Variants in TRIM64C observed in about 807,000 individuals in gnomAD.
TRIM64C encodes tripartite motif-containing protein 64C.
In TRIM64C, 25 loss-of-function variants were observed where a neutral mutation model predicts 36.1. The observed-to-expected ratio is 0.69, with a 90% CI of 0.51 to 0.97. The LOEUF (loss-of-function observed/expected upper bound fraction) is 0.97. Among genes scored for constraint, TRIM64C ranks in the 50% least tolerant of loss-of-function variants. The pLI, the probability that TRIM64C is intolerant of heterozygous loss-of-function variation, is 0.00. For synonymous variants in TRIM64C, 212 were observed against 185.7 expected (o/e 1.14, Z -1.15); for missense variants, 489 against 536.8 (o/e 0.91, Z 0.88).
chr11:49,055,331 C>T lies in TRIM64C; in HGVS notation c.838G>A (p.Asp280Asn), dbSNP rs1215790896. 2.9e-5 allele frequency: 45 copies of T among 1,535,738 alleles called. No individual in the cohort carries two copies. The highest frequency in any genetic ancestry group is 3.3e-4 in the Middle Eastern group (2 of 5,994). ...LTSWCITGVLDMLNNFRVDNA... is the reference protein window; with the variant it reads ...LTSWCITGVLNMLNNFRVDNA... The stretch of plus-strand genomic sequence containing the variant: ...TTGCCTCTGAAGTTGTTGAGCATGT[C>T]TAGGACTCCAGTTATGCACCATGAA... The change falls in exon 5 of 6, where the codon GAC becomes AAC. Residue 280 changes from aspartate to asparagine, a missense_variant. Asp to Asn is a conservative substitution (Grantham distance 23). Coordinates refer to ENST00000617704, the MANE Select transcript of TRIM64C (RefSeq NM_001206631.1).
At chr11:49,056,769 G>A (rs546572426) in intron 3 of TRIM64C, among the ~76,000 whole-genome samples, 2 of 151,978 alleles carry the variant, frequency 1.3e-5, no homozygotes, top group South Asian at 4.1e-4. Context: ...GCCCAGGCAA[G>A]GGGAAACCCC....
chr11:49,058,846 G>C lies in TRIM64C; in HGVS notation c.267C>G (p.Asp89Glu). The change falls in exon 1 of 6, where the codon GAC becomes GAG. Residue 89 changes from aspartate to glutamate, a missense_variant. Transcript: ENST00000617704. ...TCTCCTCATGGAGCACACAGATATT[G>C]TCTGAGCTGTTGATGTTCTGAGGTC... The part of the protein sequence containing the change: ...QTRPQNINSS[D>E]NICVLHEETK... 6.5e-7 allele frequency: 1 copy of C among 1,549,482 alleles called. No homozygotes were observed. The highest frequency in any genetic ancestry group is 8.7e-7 in the Non-Finnish European group (1 of 1,146,894).
rs1293718193 is a variant in TRIM64C at position 49,054,008 on chromosome 11, C to A, written c.1059G>T (p.Trp353Cys). The A allele has an allele frequency of 1.3e-6, 2 of 1,551,450 alleles. No homozygotes were observed. The highest frequency in any genetic ancestry group is 1.7e-6 in the Non-Finnish European group (2 of 1,146,846). The change falls in exon 6 of 6, where the codon TGG (tryptophan) becomes TGT (cysteine). Residue 353 changes from tryptophan (W) to cysteine (C), a missense_variant. Physicochemically the swap from Trp to Cys is radical, Grantham distance 215. Coordinates refer to ENST00000617704, the MANE Select transcript of TRIM64C (RefSeq NM_001206631.1). ...WEVDVTHSSN[W>C]ILGVCRDSRT... ...TAGAATCTCGACAGACTCCCAGAAT[C>A]CAGTTGGAGGAGTGGGTCACATCCA... is the stretch of plus-strand genomic sequence containing the variant.
In TRIM64C at chr11:49,054,008, C is replaced by T; in HGVS notation, c.1059G>A (p.Trp353Ter). The T allele has an allele frequency of 6.4e-7, 1 of 1,551,568 alleles. No homozygotes were observed. The highest frequency in any genetic ancestry group is 8.7e-7 in the Non-Finnish European group (1 of 1,146,838). ...WEVDVTHSSN[W>*]ILGVCRDSRT... ...TAGAATCTCGACAGACTCCCAGAAT[C>T]CAGTTGGAGGAGTGGGTCACATCCA... Residue 353 changes from tryptophan to a stop codon, truncating the protein, a stop_gained, in exon 6 of 6, where the codon TGG becomes TGA. Coordinates refer to ENST00000617704, the MANE Select transcript of TRIM64C (RefSeq NM_001206631.1). LOFTEE classifies it low-confidence loss of function (END_TRUNC).
chr11:49,055,463 T>C, intron 4 of TRIM64C, 56 bp from the exon 5 acceptor site: 2 of 1,521,858 alleles, frequency 1.3e-6, no homozygotes, highest in South Asian at 1.2e-5. Context: ...AATCACACAG[T>C]CATATGAAGA....
At chr11:49,057,041 G>T in intron 3 of TRIM64C, 107 bp downstream of exon 3, 1 of 1,333,614 alleles carries the variant, frequency 7.5e-7, no homozygotes, top group Non-Finnish European at 1.0e-6. Flanking sequence ...CACACAGCAT[G>T]TGTCACTTAG....
At chr11:49,055,509 C>A (rs1389503117) in intron 4 of TRIM64C, 102 bp from the exon 5 acceptor site, 2 of 1,464,394 alleles carry the variant, frequency 1.4e-6, no homozygotes, top group South Asian at 1.2e-5. Flanking sequence ...CCTCAGAATT[C>A]TGCCGGTTTT....
chr11:49,059,099 G>T lies in TRIM64C; in HGVS notation c.14C>A (p.Thr5Asn), dbSNP rs1379165184. The T allele has an allele frequency of 1.4e-5, 21 of 1,545,760 alleles. No individual in the cohort carries two copies. Among genetic ancestry groups the T allele is most frequent in the Non-Finnish European group, 1.7e-5 (20 of 1,145,824 alleles). ...GAGCTCATTCTGGAAGACTCGCAGGGTGTCTGAATCCATGTTTCTTGAAAT... is the reference window on the plus strand; with the variant it reads ...GAGCTCATTCTGGAAGACTCGCAGGTTGTCTGAATCCATGTTTCTTGAAAT... The part of the protein sequence containing the change: MDSD[T>N]LRVFQNELIC... Residue 5 changes from threonine to asparagine, a missense_variant, in exon 1 of 6, where the codon ACC (threonine) becomes AAC (asparagine). Transcript: ENST00000617704.
intron 3 of TRIM64C, 113 bp downstream of exon 3, chr11:49,057,035 C>G: frequency 7.4e-7 from 1 of 1,347,710 alleles, no homozygotes; most frequent in Non-Finnish European, 1.0e-6. Context: ...GGAAGTCACA[C>G]AGCATGTGTC....
Position 49,054,173 on chromosome 11 carries a change from G to T in TRIM64C, c.894C>A (p.Cys298Ter), listed in dbSNP as rs1232116352. 3.9e-6 allele frequency: 6 copies of T among 1,551,402 alleles called. No homozygotes were observed. The African/African-American group carries it at 4.1e-5, about 11-fold the overall frequency. Residue 298 changes from cysteine to a stop codon, truncating the protein, a stop_gained, in exon 6 of 6, where the codon TGC becomes TGA. Coordinates refer to ENST00000617704, the MANE Select transcript of TRIM64C (RefSeq NM_001206631.1). LOFTEE classifies it low-confidence loss of function (END_TRUNC). ...TCACATCCTCAGAAAGGCTTATATA[G>T]CAAGGAGTCATTTCTGTACTCAGAG... ...DNALSTEMTP[C>*]YISLSEDVRR...
At chr11:49,057,575 T>C (rs1168290693) in intron 2 of TRIM64C, among the ~76,000 whole-genome samples, 197 bp from the exon 3 acceptor site, 2 of 151,850 alleles carry the variant, frequency 1.3e-5, no homozygotes, top group East Asian at 3.9e-4. Flanking sequence ...ATCAAACCAA[T>C]ATAAAGACTC....
At position 49,058,088 on chromosome 11, in the gene TRIM64C, C is replaced by T. The variant is rs1056559995; in HGVS notation, c.497G>A (p.Cys166Tyr). Residue 166 changes from cysteine to tyrosine, a missense_variant, in exon 2 of 6, where the codon TGT becomes TAT. Coordinates refer to ENST00000617704, the MANE Select transcript of TRIM64C (RefSeq NM_001206631.1). ...ATTTTCATTCTTAACCACTAATGAA[C>T]AAAATTTGCTAGTTTCCTGATTTAG... ...NNLNQETSKF[C>Y]SLVDYVSLRK... 6.6e-6 allele frequency: 10 copies of T among 1,524,942 alleles called. No individual in the cohort carries two copies. The Admixed American group carries it at 8.1e-5, about 12-fold the overall frequency. 94.5% of individuals were successfully genotyped at this position (1,524,942 alleles called of 1,614,324 possible).
At position 49,054,113 on chromosome 11, in the gene TRIM64C, T is replaced by C; in HGVS notation, c.954A>G (p.Ala318=). The C allele has an allele frequency of 6.4e-7, 1 of 1,551,572 alleles. No homozygotes were observed. The highest frequency in any genetic ancestry group is 8.7e-7 in the Non-Finnish European group (1 of 1,146,848). The part of the protein sequence containing the change: ...RVIFGDDHRS[A]PMDPQGVESF... ...TCTCCACTCCTTGGGGATCCATGGGTGCACTGCGATGGTCATCTCCAAATA... is the reference window on the plus strand; with the variant it reads ...TCTCCACTCCTTGGGGATCCATGGGCGCACTGCGATGGTCATCTCCAAATA... The change falls in exon 6 of 6, where the codon GCA becomes GCG. Residue 318 remains alanine (A), a synonymous_variant. Coordinates refer to ENST00000617704, the MANE Select transcript of TRIM64C (RefSeq NM_001206631.1).
chr11:49,056,382 CT>C lies in TRIM64C; in HGVS notation c.739-2del. On this transcript the variant is annotated splice_acceptor_variant, in intron 3 of 5. Transcript: ENST00000617704. LOFTEE classifies it high-confidence loss of function. ...ACCTTGCCGATATATTTCCCACATC[CT>C]GCAAAAAAAATAAAATGTAATGTTA... 1 of 1,540,886 alleles carries C rather than the reference CT, an allele frequency of 6.5e-7. No individual in the cohort carries two copies. Among genetic ancestry groups the C allele is most frequent in the East Asian group, 2.5e-5 (1 of 40,746 alleles).
At chr11:49,058,630 C>T (rs1854842674) in intron 1 of TRIM64C, 71 bp downstream of exon 1, 2 of 1,527,950 alleles carry the variant, frequency 1.3e-6, no homozygotes, top group Admixed American at 2.0e-5. Flanking sequence ...TTCTCATCAC[C>T]ATCATTATCA....
intron 4 of TRIM64C, among the ~76,000 whole-genome samples, chr11:49,055,802 G>A (rs558766500): frequency 4.2e-4 from 64 of 152,288 alleles, no homozygotes; most frequent in African/African-American, 1.4e-3. Flanking sequence ...AATAGAGAAT[G>A]TTCGCTGAGA....
Position 49,054,176 on chromosome 11 carries a change from A to G in TRIM64C, c.891T>C (p.Pro297=), listed in dbSNP as rs1435288330. Residue 297 remains proline (P), a synonymous_variant, in exon 6 of 6, where the codon CCT becomes CCC. Coordinates refer to ENST00000617704, the MANE Select transcript of TRIM64C (RefSeq NM_001206631.1). ...VDNALSTEMT[P]CYISLSEDVR... ...CATCCTCAGAAAGGCTTATATAGCA[A>G]GGAGTCATTTCTGTACTCAGAGCAT... 8 of 1,551,570 alleles carry G rather than the reference A, an allele frequency of 5.2e-6. No individual in the cohort carries two copies. Among genetic ancestry groups the G allele is most frequent in the Non-Finnish European group, 6.1e-6 (7 of 1,146,840 alleles).
At position 49,055,380 on chromosome 11, in the gene TRIM64C, G is replaced by C. The variant is rs1854800969; in HGVS notation, c.789C>G (p.Pro263=). Residue 263 remains proline (P), a synonymous_variant, in exon 5 of 6, where the codon CCC becomes CCG. Coordinates refer to ENST00000617704, the MANE Select transcript of TRIM64C (RefSeq NM_001206631.1). ...ARTDLAQMPK[P]QPVNPELTSW... ...AAGTGAGCTCTGGGTTCACTGGCTG[G>C]GGCTTTGGCATCTGTGCCAAATCAG... is the stretch of plus-strand genomic sequence containing the variant. The C allele has an allele frequency of 6.5e-7, 1 of 1,533,276 alleles. No homozygotes were observed. The highest frequency in any genetic ancestry group is 8.7e-7 in the Non-Finnish European group (1 of 1,146,440). 95.0% of individuals were successfully genotyped at this position (1,533,276 alleles called of 1,614,324 possible).
At position 49,057,404 on chromosome 11, in the gene TRIM64C, T is replaced by C. The variant is rs752006630; in HGVS notation, c.508-26A>G. On this transcript the variant is annotated intron_variant, in intron 2 of 5. Coordinates refer to ENST00000617704, the MANE Select transcript of TRIM64C (RefSeq NM_001206631.1). ...CTGCAGAGACGTTTGGTTAAAAGGATTACATGTTCTCACTCTCAATAGAAA... is the reference window on the plus strand; with the variant it reads ...CTGCAGAGACGTTTGGTTAAAAGGACTACATGTTCTCACTCTCAATAGAAA... The C allele has an allele frequency of 6.6e-5, 102 of 1,545,306 alleles. No homozygotes were observed. In the Middle Eastern group the frequency reaches 6.9e-4, roughly 10 times the overall value.
Sources: gnomAD v4.1 joint callset for allele counts (sites outside exome capture counted in the v4.1 genomes callset) on GRCh38, gnomAD v4.1.1 for gene constraint, MANE v1.5 for transcripts, NCBI Gene and HGNC (gene_info 2026-07-23, HGNC 2026-07-21) for gene names.